Variants in CUX2 observed in about 807,000 individuals in gnomAD.
CUX2 encodes homeobox protein cut-like 2.
Under a neutral mutation model 144.8 loss-of-function variants are expected in CUX2, and 40 were observed. That is an observed-to-expected ratio of 0.28 (90% CI 0.21 to 0.36). The LOEUF (loss-of-function observed/expected upper bound fraction) is 0.36. Ranked by LOEUF, CUX2 falls within the 10% of genes least tolerant of loss-of-function variation. The pLI is 1.00. For synonymous variants in CUX2, 827 were observed against 875.6 expected, an observed-to-expected ratio of 0.94 and a Z score of 0.98; for missense variants, 1,615 against 1,994.0, an observed-to-expected ratio of 0.81 and a Z score of 3.62.
intron 3 of CUX2, among the ~76,000 whole-genome samples, chr12:111,254,399 T>C (rs1883709236): frequency 6.6e-6 from 1 of 152,200 alleles, no homozygotes; most frequent in Non-Finnish European, 1.5e-5. Flanking sequence ...GTGCCCATCA[T>C]CATTGCAGGT....
At chr12:111,091,283 G>C (rs1240393985) in intron 1 of CUX2, among the ~76,000 whole-genome samples, 3 of 152,208 alleles carry the variant, frequency 2.0e-5, no homozygotes, top group African/African-American at 4.8e-5. Flanking sequence ...TCCTGTTTGC[G>C]GAGGGAAGTC....
rs988458958 is a variant in CUX2 at position 111,035,954 on chromosome 12, G to A, written c.63+1714G>A. On this transcript the variant is annotated intron_variant, in intron 1 of 21. Coordinates refer to ENST00000261726, the MANE Select transcript of CUX2 (RefSeq NM_015267.4). The surrounding 1 kb of genome is among the most constrained non-coding windows in gnomAD (Gnocchi z 6.0). ...TTCTGGAAGAGTGGGGGTTATGGAG[G>A]CAGAGAGAGAGAGAGAGAGGGAGAA... Among the ~76,000 whole-genome samples the A allele has an allele frequency of 6.6e-6, 1 of 152,044 alleles. No individual in the cohort carries two copies. The highest frequency in any genetic ancestry group is 2.4e-5 in the African/African-American group (1 of 41,396).
intron 1 of CUX2, among the ~76,000 whole-genome samples, chr12:111,099,099 A>G (rs921626773): frequency 6.6e-6 from 1 of 152,258 alleles, no homozygotes; most frequent in African/African-American, 2.4e-5. Flanking sequence ...CAGTGAAGGC[A>G]GGAACTGGGT....
chr12:111,306,326 G>GTTT (rs35872348), intron 10 of CUX2, among the ~76,000 whole-genome samples: 1 of 141,434 alleles, frequency 7.1e-6, no homozygotes. Flanking sequence ...TGTTTGTTTG[G>GTTT]TTTTTTTTTT....
rs1886500048 is a variant in CUX2 at position 111,304,961 on chromosome 12, G to A, written c.858+647G>A. 6.6e-6 allele frequency among the ~76,000 whole-genome samples: 1 copy of A among 152,188 alleles called. No homozygotes were observed. Among genetic ancestry groups the A allele is most frequent in the Non-Finnish European group, 1.5e-5 (1 of 68,028 alleles). On this transcript the variant is annotated intron_variant, in intron 10 of 21. Transcript: ENST00000261726. The surrounding 1 kb of genome is among the most constrained non-coding windows in gnomAD (Gnocchi z 4.7). Reference sequence around the variant, plus strand: ...TTCCAAAGCATGCCAGGTGATTCTAGGGGGATTTCCCACCCCAGCCACATG... The same window carrying A: ...TTCCAAAGCATGCCAGGTGATTCTAAGGGGATTTCCCACCCCAGCCACATG...
At chr12:111,091,238 T>C (rs1180697491) in intron 1 of CUX2, among the ~76,000 whole-genome samples, 2 of 152,164 alleles carry the variant, frequency 1.3e-5, no homozygotes, top group Admixed American at 6.5e-5. Flanking sequence ...TAAAAGACAG[T>C]CTTGGACTTG....
intron 1 of CUX2, among the ~76,000 whole-genome samples, chr12:111,081,904 C>A (rs980825470): frequency 6.6e-6 from 1 of 152,042 alleles, no homozygotes; most frequent in African/African-American, 2.4e-5. Flanking sequence ...GAGGGCAGGC[C>A]AGAAGTATTG....
rs1309871300 is a variant in CUX2, at chr12:111,322,575, C to T, written c.2921C>T (p.Ser974Phe). Residue 974 changes from serine to phenylalanine, a missense_variant, in exon 18 of 22, where the codon TCC (serine) becomes TTC (phenylalanine). Transcript: ENST00000261726. This position sits in a 1 kb window ranked among gnomAD's most constrained non-coding sequence, Gnocchi z 4.2. ...GQAVGQQPGA[S>F]QASPTEPRSS... ...GCAGTGGGCCAGCAGCCTGGTGCCT[C>T]CCAGGGTGAGTGCGGGCAGGAGCAT... is the stretch of plus-strand genomic sequence containing the variant. 14 of 1,608,342 alleles carry T rather than the reference C, an allele frequency of 8.7e-6. No homozygotes were observed. Among genetic ancestry groups the T allele is most frequent in the Non-Finnish European group, 1.2e-5 (14 of 1,179,620 alleles).
At chr12:111,099,336 G>T in intron 1 of CUX2, 1 of 347,076 alleles carries the variant, frequency 2.9e-6, no homozygotes, top group Non-Finnish European at 5.7e-6. Context: ...GAGGCTGGAG[G>T]CCAGAGGCAG....
chr12:111,143,157 G>A (rs1220034337), intron 1 of CUX2, among the ~76,000 whole-genome samples: 1 of 152,036 alleles, frequency 6.6e-6, no homozygotes, highest in East Asian at 1.9e-4. Context: ...TTTGCTCCTG[G>A]CTTCGGGGCT....
Position 111,322,283 on chromosome 12 carries a change from A to C in CUX2, c.2767-138A>C, listed in dbSNP as rs188023202. 8.3e-3 allele frequency: 7,676 copies of C among 923,598 alleles called. 133 individuals carry two copies. Among genetic ancestry groups the C allele is most frequent in the East Asian group, 0.067 (2,460 of 36,592 alleles). 57.2% of individuals were successfully genotyped at this position (923,598 alleles called of 1,614,324 possible). On this transcript the variant is annotated intron_variant, in intron 17 of 21. Coordinates refer to ENST00000261726, the MANE Select transcript of CUX2 (RefSeq NM_015267.4). The surrounding 1 kb of genome is among the most constrained non-coding windows in gnomAD (Gnocchi z 4.2). ...CAGTGAGCTGAGATGGTGCCACTGC[A>C]CTCCATCCTGGGCGACAGACAAAGC...
At chr12:111,328,868 A>G (rs1887945002) in intron 18 of CUX2, among the ~76,000 whole-genome samples, 2 of 150,688 alleles carry the variant, frequency 1.3e-5, no homozygotes, top group East Asian at 2.0e-4. Flanking sequence ...GATTACAGGC[A>G]TGAGCTACTG....
chr12:111,110,763 A>G (rs1873892877), intron 1 of CUX2, among the ~76,000 whole-genome samples: 1 of 152,218 alleles, frequency 6.6e-6, no homozygotes, highest in South Asian at 2.1e-4. Flanking sequence ...TGAAATGACA[A>G]TTGGAGCTGG....
chr12:111,328,651 G>A (rs1038809279), intron 18 of CUX2, among the ~76,000 whole-genome samples: 1 of 151,398 alleles, frequency 6.6e-6, no homozygotes, highest in African/African-American at 2.4e-5. Context: ...CCAGGCTGGA[G>A]TGCAATGGTG....
intron 1 of CUX2, among the ~76,000 whole-genome samples, chr12:111,185,006 G>C (rs1043495745): frequency 3.9e-5 from 6 of 152,172 alleles, no homozygotes; most frequent in African/African-American, 1.4e-4. Flanking sequence ...GGAGCTTGCA[G>C]TGAACCAAGA....
At chr12:111,195,531 A>G (rs1946759194) in intron 1 of CUX2, among the ~76,000 whole-genome samples, 1 of 152,246 alleles carries the variant, frequency 6.6e-6, no homozygotes, top group Non-Finnish European at 1.5e-5. Flanking sequence ...AGCTTCTGCC[A>G]ACATCGCTGG....
At chr12:111,139,749 C>T (rs567954490) in intron 1 of CUX2, among the ~76,000 whole-genome samples, 2 of 152,262 alleles carry the variant, frequency 1.3e-5, no homozygotes, top group South Asian at 4.2e-4. Context: ...CTGAGCTTCC[C>T]AAGGTCATGG....
At position 111,330,712 on chromosome 12, in the gene CUX2, T is replaced by TACAC. The variant is rs1218061628; in HGVS notation, c.2927-3728_2927-3727insCACA. Among the ~76,000 whole-genome samples, 80 of 27,254 alleles carry TACAC rather than the reference T, an allele frequency of 2.9e-3. 4 individuals carry two copies. The highest frequency in any genetic ancestry group is 0.012 in the African/African-American group (78 of 6,690). 17.9% of individuals were successfully genotyped at this position (27,254 alleles called of 152,430 possible). On this transcript the variant is annotated intron_variant, in intron 18 of 21. Transcript: ENST00000261726. ...ATATATATATATATATATATATATATATATATATATATATATATATATATA... is the reference window on the plus strand; with the variant it reads ...ATATATATATATATATATATATATATACACATATATATATATATATATATATATA...
chr12:111,091,414 C>T (rs1233966216), intron 1 of CUX2, among the ~76,000 whole-genome samples: 1 of 152,108 alleles, frequency 6.6e-6, no homozygotes. Flanking sequence ...AACCGGGCAG[C>T]GTTCACTCCT....
Sources: allele counts gnomAD v4.1 joint callset (sites outside exome capture counted in the v4.1 genomes callset), GRCh38; gene constraint gnomAD v4.1.1; non-coding constraint Gnocchi (gnomAD v3.1); transcripts MANE v1.5; gene names NCBI Gene and HGNC (gene_info 2026-07-23, HGNC 2026-07-21).